Variants in DSC2 observed in about 807,000 individuals in gnomAD.
DSC2 encodes the protein desmocollin-2.
DSC2 carries 51 observed loss-of-function variants against 87.6 expected under a neutral mutation model. The ratio of observed to expected loss-of-function variants is 0.58; its 90% CI spans 0.46 to 0.74. The LOEUF (loss-of-function observed/expected upper bound fraction) is 0.74. Ranked by LOEUF, DSC2 falls within the 30% of genes least tolerant of loss-of-function variation. The pLI is 0.00. For synonymous variants in DSC2, 383 were observed against 393.2 expected, an observed-to-expected ratio of 0.97 and a Z score of 0.31; for missense variants, 1,066 against 1,089.5, an observed-to-expected ratio of 0.98 and a Z score of 0.30.
intron 9 of DSC2, among the ~76,000 whole-genome samples, chr18:31,081,839 T>G (rs1036074014): frequency 1.3e-5 from 2 of 152,256 alleles, no homozygotes; most frequent in South Asian, 2.1e-4. Flanking sequence ...AACAAACCTA[T>G]GAATAACCTC....
Position 31,080,145 on chromosome 18 carries a change from T to G in DSC2, c.1471A>C (p.Asn491His). The change falls in exon 10 of 16, where the codon AAT becomes CAT. Residue 491 changes from asparagine to histidine, a missense_variant. Asn to His is a moderately conservative substitution (Grantham distance 68, BLOSUM62 1). Coordinates refer to ENST00000280904, the MANE Select transcript of DSC2 (RefSeq NM_024422.6). ...KENAEVGTTS[N>H]GYKAYDPETR... Reference sequence around the variant, plus strand: ...TCTGGGTCATATGCTTTATATCCATTGCTTGTTGTTCCCACTTCTGCATTT... The same window carrying G: ...TCTGGGTCATATGCTTTATATCCATGGCTTGTTGTTCCCACTTCTGCATTT... 1 of 1,614,144 alleles carries G rather than the reference T, an allele frequency of 6.2e-7. No individual in the cohort carries two copies. The highest frequency in any genetic ancestry group is 8.5e-7 in the Non-Finnish European group (1 of 1,180,024).
intron 2 of DSC2, among the ~76,000 whole-genome samples, chr18:31,092,631 C>T (rs1464671179): frequency 6.6e-6 from 1 of 152,056 alleles, no homozygotes; most frequent in Non-Finnish European, 1.5e-5. Context: ...CCTAAATACA[C>T]CTGAAGTTAT....
intron 1 of DSC2, 135 bp downstream of exon 1, chr18:31,101,768 C>A: frequency 2.1e-5 from 15 of 717,034 alleles, no homozygotes; most frequent in Middle Eastern, 4.4e-4. Context: ...CCCGCCAACT[C>A]CATTTTCTAG....
At chr18:31,077,384 T>C (rs942775311) in intron 11 of DSC2, among the ~76,000 whole-genome samples, 4 of 152,218 alleles carry the variant, frequency 2.6e-5, no homozygotes, top group Non-Finnish European at 5.9e-5. Flanking sequence ...ACACACACAA[T>C]TGAGAGCACA....
intron 4 of DSC2, among the ~76,000 whole-genome samples, chr18:31,090,596 G>T (rs796667209): frequency 6.6e-6 from 1 of 152,108 alleles, no homozygotes; most frequent in Non-Finnish European, 1.5e-5. Flanking sequence ...GACAGAGAGA[G>T]AGAGAAAGAA....
chr18:31,101,303 C>CA (rs1333816712), intron 1 of DSC2: 1 of 964,896 alleles, frequency 1.0e-6, no homozygotes, highest in Non-Finnish European at 1.2e-6. Context: ...GCCCTTCTCT[C>CA]AGAGTAAACA....
chr18:31,074,028 CTT>C (rs1207305214), intron 12 of DSC2, among the ~76,000 whole-genome samples: 9 of 152,170 alleles, frequency 5.9e-5, no homozygotes, highest in Admixed American at 2.6e-4. Flanking sequence ...GGGATTGTGC[CTT>C]TTTGCCATGG....
intron 1 of DSC2, among the ~76,000 whole-genome samples, chr18:31,097,180 C>T (rs1167962141): frequency 4.0e-5 from 6 of 150,820 alleles, no homozygotes; most frequent in African/African-American, 2.4e-5. Context: ...CCCGGCTACT[C>T]GGGAGGCTGA....
Position 31,089,543 on chromosome 18 carries a change from G to C in DSC2, c.526C>G (p.Pro176Ala). The change falls in exon 5 of 16, where the codon CCT becomes GCT. Residue 176 changes from proline (P) to alanine (A), a missense_variant. Physicochemically the swap from Pro to Ala is conservative, Grantham distance 27. Transcript: ENST00000280904. Reference sequence around the variant, plus strand: ...TTCCGAGGTTCTTGGTCAACTCCAGGACCTCTTATGGAATAGTATATGGTA... The same window carrying C: ...TTCCGAGGTTCTTGGTCAACTCCAGCACCTCTTATGGAATAGTATATGGTA... ...NYTIYYSIRG[P>A]GVDQEPRNLF... 1 of 1,613,864 alleles carries C rather than the reference G, an allele frequency of 6.2e-7. No homozygotes were observed. Among genetic ancestry groups the C allele is most frequent in the Non-Finnish European group, 8.5e-7 (1 of 1,179,890 alleles).
At chr18:31,084,714 T>C (rs1987338847) in intron 7 of DSC2, among the ~76,000 whole-genome samples, 1 of 151,956 alleles carries the variant, frequency 6.6e-6, no homozygotes, top group South Asian at 2.1e-4. Context: ...CATCTATGGC[T>C]ATGCAGACTA....
At position 31,067,880 on chromosome 18, in the gene DSC2, G is replaced by A. The variant is rs1986677322; in HGVS notation, c.*135C>T. The A allele has an allele frequency of 2.5e-6, 2 of 804,826 alleles. No individual in the cohort carries two copies. The highest frequency in any genetic ancestry group is 2.4e-5 in the Admixed American group (1 of 42,036). The allele number at this position is 804,826 out of a possible 1,614,324, so 49.9% of individuals were successfully genotyped here. ...AGTGTCTCTCTGTAAATGTGCATTT[G>A]ACCAAAGAGATTCCATCCAAATAAT... On this transcript the variant is annotated 3_prime_UTR_variant, in exon 16 of 16. Transcript: ENST00000280904.
intron 1 of DSC2, chr18:31,101,609 A>C: frequency 5.3e-6 from 2 of 379,518 alleles, no homozygotes; most frequent in South Asian, 4.4e-5. Context: ...CCCGGCGCGT[A>C]CCCAGGGGCC....
chr18:31,080,020 AT>A, intron 10 of DSC2, 31 bp from the exon 11 acceptor site: 1 of 1,610,668 alleles, frequency 6.2e-7, no homozygotes, highest in Middle Eastern at 1.7e-4. Flanking sequence ...AAATAATAAA[AT>A]TTATCATATG....
chr18:31,094,017 G>A (rs1467757955), intron 1 of DSC2, among the ~76,000 whole-genome samples: 1 of 152,034 alleles, frequency 6.6e-6, no homozygotes, highest in Non-Finnish European at 1.5e-5. Context: ...TAAACTCAAA[G>A]AGTTATGTAT....
At chr18:31,093,410 G>A in intron 2 of DSC2, 149 bp downstream of exon 2, 1 of 506,866 alleles carries the variant, frequency 2.0e-6, no homozygotes, top group South Asian at 2.1e-5. Flanking sequence ...CTATTCCTGT[G>A]TTAGTTTGCT....
Position 31,074,750 on chromosome 18 carries a change from G to A in DSC2, c.1821C>T (p.Pro607=). The A allele has an allele frequency of 6.2e-7, 1 of 1,614,006 alleles. No homozygotes were observed. Among genetic ancestry groups the A allele is most frequent in the East Asian group, 2.2e-5 (1 of 44,850 alleles). The change falls in exon 12 of 16, where the codon CCC becomes CCT. Residue 607 remains proline, a synonymous_variant. Coordinates refer to ENST00000280904, the MANE Select transcript of DSC2 (RefSeq NM_024422.6). ...VDPDEPIHGP[P]FDFSLESSTS... ...TAGAACTCTCCAGACTAAAGTCAAA[G>A]GGTGGGCCATGGATAGGCTCATCAG...
intron 1 of DSC2, chr18:31,101,579 C>A (rs539077625): frequency 6.9e-6 from 2 of 289,942 alleles, no homozygotes; most frequent in African/African-American, 2.7e-5. Context: ...GGCGCACTCC[C>A]GCCCCGGCGC....
rs1986683368 is a variant in DSC2 at position 31,068,016 on chromosome 18, C to A, written c.2705G>T (p.Ter902LeuextTer25). 1 of 1,613,682 alleles carries A rather than the reference C, an allele frequency of 6.2e-7. No individual in the cohort carries two copies. Among genetic ancestry groups the A allele is most frequent in the Middle Eastern group, 1.7e-4 (1 of 6,060 alleles). ...RTLAEACMKR[*>L] ...TTTCAGAGACTTATTAGAACACACTCATCTCTTCATGCATGCTTCTGCTAG... is the reference window on the plus strand; with the variant it reads ...TTTCAGAGACTTATTAGAACACACTAATCTCTTCATGCATGCTTCTGCTAG... The change falls in exon 16 of 16, where the codon TGA becomes TTA. Residue 902 changes from the stop codon to leucine (L), a stop_lost. Transcript: ENST00000280904.
rs1986475628 is a variant in DSC2, at chr18:31,060,257, C to T, written c.*7758G>A. On this transcript the variant is annotated 3_prime_UTR_variant, in exon 16 of 16. Transcript: ENST00000280904. ...TCTCTTACTTCTTTTGGATAAATCC[C>T]TTTTACTTGATTTCATTGGTAATTC... 1 of 149,846 alleles carries T rather than the reference C, an allele frequency of 6.7e-6. No individual in the cohort carries two copies. The highest frequency in any genetic ancestry group is 2.5e-5 in the African/African-American group (1 of 40,508). 9.3% of individuals were successfully genotyped at this position (149,846 alleles called of 1,614,324 possible). A position where few individuals can be genotyped will look rare whatever the true frequency, so the allele number is the denominator to read the frequency against.
Sources: gnomAD v4.1 joint callset for allele counts (sites outside exome capture counted in the v4.1 genomes callset) on GRCh38, gnomAD v4.1.1 for gene constraint, MANE v1.5 for transcripts, NCBI Gene and HGNC (gene_info 2026-07-23, HGNC 2026-07-21) for gene names.